SPAG16: variants seen among roughly 807,000 people sequenced by gnomAD.
SPAG16 encodes the protein sperm associated antigen 16.
A neutral mutation model predicts 80.4 loss-of-function variants in SPAG16; 86 were observed. That is an observed-to-expected ratio of 1.07 (90% CI 0.90 to 1.28). The LOEUF (loss-of-function observed/expected upper bound fraction) is 1.28, where lower values mean the gene tolerates loss of function less well. Ranked by LOEUF, SPAG16 falls within the 50% of genes most tolerant of loss-of-function variation. The probability of loss-of-function intolerance (pLI) is 0.00; values close to 1 mark genes in which losing one functional copy is unlikely to be tolerated. For synonymous variants in SPAG16, 294 were observed against 265.9 expected (o/e 1.11, Z -1.03); for missense variants, 870 against 765.3 (o/e 1.14, Z -1.61).
intron 15 of SPAG16, among the ~76,000 whole-genome samples, chr2:214,382,768 A>T (rs1700523088): frequency 6.6e-6 from 1 of 152,210 alleles, no homozygotes; most frequent in Non-Finnish European, 1.5e-5. Context: ...ATGCAGCCAG[A>T]CAATAGGCTT....
Position 214,122,474 on chromosome 2 carries a change from T to C in SPAG16, c.1593+14213T>C, listed in dbSNP as rs187831625. Reference sequence around the variant, plus strand: ...AATTGCCTACCTAAAAAAGTGATCCTGTCTCCACTTTAGCAAAGGAAGTTG... The same window carrying C: ...AATTGCCTACCTAAAAAAGTGATCCCGTCTCCACTTTAGCAAAGGAAGTTG... On this transcript the variant is annotated intron_variant, in intron 14 of 15. Coordinates refer to ENST00000331683, the MANE Select transcript of SPAG16 (RefSeq NM_024532.5). 1.9e-3 allele frequency among the ~76,000 whole-genome samples: 286 copies of C among 152,026 alleles called. 3 individuals are homozygous for C. The Middle Eastern group carries it at 0.044, about 24-fold the overall frequency.
chr2:213,615,226 G>T (rs551881122), intron 10 of SPAG16, among the ~76,000 whole-genome samples: 23 of 152,340 alleles, frequency 1.5e-4, no homozygotes, highest in African/African-American at 5.3e-4. Flanking sequence ...ACCTACAGGA[G>T]TACCAAAATT....
intron 10 of SPAG16, among the ~76,000 whole-genome samples, chr2:213,560,057 A>G: frequency 6.6e-6 from 1 of 152,150 alleles, no homozygotes; most frequent in East Asian, 1.9e-4. Flanking sequence ...TATATTGTTT[A>G]TATATTATAA....
intron 15 of SPAG16, among the ~76,000 whole-genome samples, chr2:214,216,481 C>G (rs1168181471): frequency 6.6e-6 from 1 of 152,158 alleles, no homozygotes; most frequent in African/African-American, 2.4e-5. Flanking sequence ...GCCACCACGC[C>G]CAGCTAATTT....
chr2:213,973,502 C>T (rs2045195785), intron 12 of SPAG16, among the ~76,000 whole-genome samples: 1 of 152,080 alleles, frequency 6.6e-6, no homozygotes, highest in South Asian at 2.1e-4. Flanking sequence ...TCTGCTCCTT[C>T]CAGAACCAGA....
intron 10 of SPAG16, among the ~76,000 whole-genome samples, chr2:213,857,206 G>A (rs1038413357): frequency 1.3e-5 from 2 of 152,140 alleles, no homozygotes; most frequent in South Asian, 2.1e-4. Flanking sequence ...CTCCAGCCTG[G>A]GTGACAGAGA....
chr2:213,637,130 C>G (rs1024511795), intron 10 of SPAG16, among the ~76,000 whole-genome samples: 8 of 152,238 alleles, frequency 5.3e-5, no homozygotes, highest in Admixed American at 5.2e-4. Flanking sequence ...TATGTCCCTT[C>G]TATGCTGATT....
rs756708006 is a variant in SPAG16, at chr2:213,507,756, G to A, written c.1070+17666G>A. Among the ~76,000 whole-genome samples, 11 of 152,100 alleles carry A rather than the reference G, an allele frequency of 7.2e-5. No individual in the cohort carries two copies. In the East Asian group the frequency reaches 1.3e-3, roughly 19 times the overall value. Reference sequence around the variant, plus strand: ...GGCTAATTTGTTGACAGGATGATTCGATCTCCCCACTGAATCTCTGCTGCC... The same window carrying A: ...GGCTAATTTGTTGACAGGATGATTCAATCTCCCCACTGAATCTCTGCTGCC... On this transcript the variant is annotated intron_variant, in intron 10 of 15. Transcript: ENST00000331683.
At chr2:213,703,673 G>C (rs550491628) in intron 10 of SPAG16, among the ~76,000 whole-genome samples, 31 of 152,078 alleles carry the variant, frequency 2.0e-4, no homozygotes, top group Non-Finnish European at 4.1e-4. Flanking sequence ...TGTGAACTTC[G>C]CAAGTCCATC....
chr2:213,771,787 C>G (rs1216560302), intron 10 of SPAG16, among the ~76,000 whole-genome samples: 1 of 152,158 alleles, frequency 6.6e-6, no homozygotes, highest in Non-Finnish European at 1.5e-5. Flanking sequence ...TCTGAGATCT[C>G]TATTCTGTTC....
intron 15 of SPAG16, among the ~76,000 whole-genome samples, chr2:214,242,963 C>G (rs187749486): frequency 1.7e-4 from 26 of 152,198 alleles, no homozygotes; most frequent in African/African-American, 6.0e-4. Flanking sequence ...ACTGAATTCT[C>G]TTAAGCTTAG....
chr2:214,156,001 G>A (rs577281713), intron 15 of SPAG16, among the ~76,000 whole-genome samples: 9 of 152,186 alleles, frequency 5.9e-5, no homozygotes, highest in African/African-American at 2.2e-4. Flanking sequence ...TCTAATAATT[G>A]TATTTGGCTT....
chr2:213,948,809 C>A, intron 12 of SPAG16, among the ~76,000 whole-genome samples: 1 of 152,274 alleles, frequency 6.6e-6, no homozygotes, highest in Non-Finnish European at 1.5e-5. Flanking sequence ...GTATTTTACA[C>A]ATATTCCTGT....
chr2:214,153,110 TC>T (rs2056056408), intron 15 of SPAG16, among the ~76,000 whole-genome samples: 1 of 151,914 alleles, frequency 6.6e-6, no homozygotes, highest in Non-Finnish European at 1.5e-5. Context: ...AGCCTCCCTT[TC>T]CCGGTCTGCT....
chr2:213,667,869 A>G (rs149354729), intron 10 of SPAG16, among the ~76,000 whole-genome samples: 55 of 152,024 alleles, frequency 3.6e-4, no homozygotes, highest in African/African-American at 1.2e-3. Flanking sequence ...GGTGAGGTAC[A>G]TAGGGTAGAG....
intron 9 of SPAG16, among the ~76,000 whole-genome samples, chr2:213,439,271 A>G (rs540014392): frequency 2.0e-5 from 3 of 152,144 alleles, no homozygotes; most frequent in South Asian, 4.2e-4. Flanking sequence ...GCTTCTGTAA[A>G]TATCTTAAAA....
intron 10 of SPAG16, among the ~76,000 whole-genome samples, chr2:213,765,259 C>T (rs1169022227): frequency 6.6e-6 from 1 of 152,144 alleles, no homozygotes; most frequent in Non-Finnish European, 1.5e-5. Context: ...ATCCCAGCTA[C>T]TCGGGAGACT....
chr2:213,986,891 CAAAAA>C (rs369965944), intron 12 of SPAG16, among the ~76,000 whole-genome samples: 90 of 57,650 alleles, frequency 1.6e-3, no homozygotes, highest in African/African-American at 4.1e-3. Context: ...TCTGGTATAG[CAAAAA>C]AAAAAAAAAA....
chr2:213,825,540 A>G (rs1345241256), intron 10 of SPAG16, among the ~76,000 whole-genome samples: 1 of 152,022 alleles, frequency 6.6e-6, no homozygotes, highest in East Asian at 1.9e-4. Flanking sequence ...TGATTTGCAT[A>G]TGTTAAACCA....
Sources: allele counts gnomAD v4.1 joint callset (sites outside exome capture counted in the v4.1 genomes callset), GRCh38; gene constraint gnomAD v4.1.1; transcripts MANE v1.5; gene names NCBI Gene and HGNC (gene_info 2026-07-23, HGNC 2026-07-21).